The following VIPAS39 variants were observed in gnomAD, a reference collection of about 807,000 sequenced individuals.
VIPAS39 encodes the protein VPS33B interacting protein, apical-basolateral polarity regulator, spe-39 homolog.
In VIPAS39, 63 loss-of-function variants were observed where a neutral mutation model predicts 84.7. That is an observed-to-expected ratio of 0.74 (90% CI 0.61 to 0.92). VIPAS39 has a LOEUF of 0.92. Ranked by LOEUF, VIPAS39 falls within the 40% of genes least tolerant of loss-of-function variation. The pLI is 0.00. For synonymous variants in VIPAS39, 192 were observed against 216.5 expected (o/e 0.89, Z 0.99); for missense variants, 499 against 604.5 (o/e 0.83, Z 1.83).
chr14:77,453,705 C>G (rs1054541470), intron 2 of VIPAS39, among the ~76,000 whole-genome samples: 10 of 151,964 alleles, frequency 6.6e-5, no homozygotes, highest in African/African-American at 2.4e-4. Flanking sequence ...AATGATTCCT[C>G]AATTGCAAAA....
rs372634145 is a variant in VIPAS39, at chr14:77,437,800, A to G, written c.836+8T>C. ...TTATACTTAAAATCATTTTTCCCCC[A>G]TACTTACCCAACACAGGTTTTAAGA... On this transcript the variant is annotated splice_region_variant and intron_variant, in intron 12 of 19. Transcript: ENST00000557658. The G allele has an allele frequency of 2.5e-6, 4 of 1,613,532 alleles. No homozygotes were observed. The highest frequency in any genetic ancestry group is 4.5e-5 in the East Asian group (2 of 44,878).
At chr14:77,437,634 A>C (rs1377527431) in intron 12 of VIPAS39, among the ~76,000 whole-genome samples, 174 bp downstream of exon 12, 1 of 152,044 alleles carries the variant, frequency 6.6e-6, no homozygotes, top group Non-Finnish European at 1.5e-5. Context: ...AGCAGTGGAA[A>C]CTCTGCTGGG....
intron 7 of VIPAS39, among the ~76,000 whole-genome samples, chr14:77,446,773 C>T (rs969854178): frequency 4.0e-5 from 6 of 151,774 alleles, no homozygotes; most frequent in African/African-American, 1.5e-4. Flanking sequence ...AATAAAGAGT[C>T]CAGAAATAGG....
intron 1 of VIPAS39, 111 bp downstream of exon 1, chr14:77,457,384 G>A (rs964773293): frequency 1.3e-6 from 2 of 1,535,534 alleles, no homozygotes; most frequent in Non-Finnish European, 8.7e-7. Context: ...AGAGAATCAG[G>A]CCTGTAGTCA....
intron 17 of VIPAS39, 61 bp from the exon 18 acceptor site, chr14:77,429,156 AG>A: frequency 6.7e-7 from 1 of 1,497,668 alleles, no homozygotes; most frequent in Non-Finnish European, 9.3e-7. Context: ...GAGCTCTACA[AG>A]GTAGAAAAGA....
At chr14:77,455,095 G>C (rs1011457474) in intron 1 of VIPAS39, among the ~76,000 whole-genome samples, 13 of 152,272 alleles carry the variant, frequency 8.5e-5, no homozygotes, top group African/African-American at 3.1e-4. Flanking sequence ...GCCAAGAAAA[G>C]CAAGTATATA....
chr14:77,453,364 TC>T lies in VIPAS39; in HGVS notation c.130del (p.Asp44ThrfsTer45). 6.2e-7 allele frequency: 1 copy of T among 1,614,034 alleles called. No homozygotes were observed. Among genetic ancestry groups the T allele is most frequent in the Non-Finnish European group, 8.5e-7 (1 of 1,180,014 alleles). ...ESKRAVNSLR[D>X]FVDDDDDDDL... Reference sequence around the variant, plus strand: ...ATCATCGTCATCATCATCCACGAAGTCTCGGAGGCTGTTCACCGCCCGCTTG... The same window carrying T: ...ATCATCGTCATCATCATCCACGAAGTTCGGAGGCTGTTCACCGCCCGCTTG... On this transcript the variant is annotated frameshift_variant, in exon 3 of 20. Transcript: ENST00000557658. LOFTEE classifies it high-confidence loss of function.
intron 19 of VIPAS39, 131 bp downstream of exon 19, chr14:77,428,239 A>G (rs2078461452): frequency 6.3e-6 from 5 of 787,620 alleles, no homozygotes; most frequent in African/African-American, 1.7e-5. Context: ...CATTGTGGCC[A>G]GAGGAGAGCC....
At chr14:77,441,205 T>G in intron 10 of VIPAS39, 112 bp from the exon 11 acceptor site, 1 of 1,168,142 alleles carries the variant, frequency 8.6e-7, no homozygotes. Flanking sequence ...CTCATTTCCC[T>G]CTATACACAA....
chr14:77,442,417 A>G (rs2078717041), intron 10 of VIPAS39, 143 bp downstream of exon 10: 3 of 772,604 alleles, frequency 3.9e-6, no homozygotes, highest in African/African-American at 1.7e-5. Flanking sequence ...CTGTACTGCT[A>G]GTTATCCCCT....
At chr14:77,449,556 A>T (rs1168839264) in intron 5 of VIPAS39, among the ~76,000 whole-genome samples, 158 bp downstream of exon 5, 1 of 152,200 alleles carries the variant, frequency 6.6e-6, no homozygotes, top group Admixed American at 6.5e-5. Flanking sequence ...AATGATTTCT[A>T]CCTCCTTAGT....
rs777076595 is a variant in VIPAS39, at chr14:77,437,901, G to C, written c.763-20C>G. 9 of 1,613,344 alleles carry C rather than the reference G, an allele frequency of 5.6e-6. No individual in the cohort carries two copies. The highest frequency in any genetic ancestry group is 3.3e-4 in the Middle Eastern group (2 of 6,066). On this transcript the variant is annotated intron_variant, in intron 11 of 19. Coordinates refer to ENST00000557658, the MANE Select transcript of VIPAS39 (RefSeq NM_001193315.2). ...AGATAGCTACAAAAAGCAGAAAAAGGCTTTGAGGTATTTTGTCTCCTTAGA... is the reference window on the plus strand; with the variant it reads ...AGATAGCTACAAAAAGCAGAAAAAGCCTTTGAGGTATTTTGTCTCCTTAGA...
rs1566731603 is a variant in VIPAS39 at position 77,443,157 on chromosome 14, AG to A, written c.598-6del. On this transcript the variant is annotated splice_region_variant and splice_polypyrimidine_tract_variant and intron_variant, in intron 8 of 19. Coordinates refer to ENST00000557658, the MANE Select transcript of VIPAS39 (RefSeq NM_001193315.2). ...CCTCTTCAGGAAAATCAGAACCTAC[AG>A]GAAAAAAGAACAAAGACTGTGCAAA... is the stretch of plus-strand genomic sequence containing the variant. The A allele has an allele frequency of 5.0e-6, 8 of 1,614,192 alleles. No homozygotes were observed. Among genetic ancestry groups the A allele is most frequent in the Non-Finnish European group, 6.8e-6 (8 of 1,180,028 alleles).
In VIPAS39 at chr14:77,441,594, C is replaced by G. The variant is rs561327814; in HGVS notation, c.735-501G>C. Among the ~76,000 whole-genome samples the G allele has an allele frequency of 3.3e-5, 5 of 152,270 alleles. No individual in the cohort carries two copies. In the South Asian group the frequency reaches 1.0e-3, roughly 32 times the overall value. ...GGCATGGAGGTGATGCCTGATAAAG[C>G]CCTGTTGGTTGGGAAAGAGTAAGGG... On this transcript the variant is annotated intron_variant, in intron 10 of 19. Coordinates refer to ENST00000557658, the MANE Select transcript of VIPAS39 (RefSeq NM_001193315.2).
rs1486022015 is a variant in VIPAS39 at position 77,437,686 on chromosome 14, ATGC to A, written c.836+119_836+121del. ...CCACTGCATGAGGTGACCCTGAATG[ATGC>A]TGGTATGATTCATTGTTAGCCCTCC... On this transcript the variant is annotated intron_variant, in intron 12 of 19. Coordinates refer to ENST00000557658, the MANE Select transcript of VIPAS39 (RefSeq NM_001193315.2). 2.3e-5 allele frequency: 24 copies of A among 1,023,556 alleles called. No individual in the cohort carries two copies. The African/African-American group carries it at 3.6e-4, about 16-fold the overall frequency. The allele number at this position is 1,023,556 out of a possible 1,614,324, so 63.4% of individuals were successfully genotyped here.
chr14:77,457,102 T>A, intron 1 of VIPAS39: 1 of 1,405,894 alleles, frequency 7.1e-7, no homozygotes, highest in Non-Finnish European at 9.2e-7. Context: ...TACTGAGAAG[T>A]CAGACTTGGT....
chr14:77,451,526 G>A (rs1389385853), intron 3 of VIPAS39, among the ~76,000 whole-genome samples, 193 bp from the exon 4 acceptor site: 1 of 152,200 alleles, frequency 6.6e-6, no homozygotes, highest in African/African-American at 2.4e-5. Context: ...GTGGATCACA[G>A]AAAATTCAAA....
In VIPAS39 at chr14:77,426,703, T is replaced by G. The variant is rs2078437704; in HGVS notation, c.*913A>C. 2.0e-5 allele frequency: 3 copies of G among 152,182 alleles called. No homozygotes were observed. Among genetic ancestry groups the G allele is most frequent in the Non-Finnish European group, 4.4e-5 (3 of 68,070 alleles). 9.4% of individuals were successfully genotyped at this position (152,182 alleles called of 1,614,324 possible). A position where few individuals can be genotyped will look rare whatever the true frequency, so the allele number is the denominator to read the frequency against. ...GGCACCAAGGAAGAAATACCTTTAT[T>G]AGGAGTCTAGGCATGTCAGAAAAAC... is the stretch of plus-strand genomic sequence containing the variant. On this transcript the variant is annotated 3_prime_UTR_variant, in exon 20 of 20. Transcript: ENST00000557658.
intron 3 of VIPAS39, among the ~76,000 whole-genome samples, chr14:77,452,028 T>C (rs2078889447): frequency 6.6e-6 from 1 of 152,078 alleles, no homozygotes; most frequent in Non-Finnish European, 1.5e-5. Flanking sequence ...ATAAAGTCAA[T>C]GATAGAAATA....
Sources: allele counts gnomAD v4.1 joint callset (sites outside exome capture counted in the v4.1 genomes callset), GRCh38; gene constraint gnomAD v4.1.1; transcripts MANE v1.5; gene names NCBI Gene and HGNC (gene_info 2026-07-23, HGNC 2026-07-21).